Variants in LRWD1 observed in about 807,000 individuals in gnomAD.
The protein encoded by LRWD1 is leucine-rich repeat and WD repeat-containing protein 1.
A neutral mutation model predicts 75.6 loss-of-function variants in LRWD1; 76 were observed. The observed-to-expected ratio is 1.01, with a 90% CI of 0.84 to 1.22. The LOEUF (loss-of-function observed/expected upper bound fraction) is 1.22, where lower values mean the gene tolerates loss of function less well. LRWD1 is among the 50% of genes most tolerant of loss of function. The pLI, the probability that LRWD1 is intolerant of heterozygous loss-of-function variation, is 0.00. For synonymous variants in LRWD1, 487 were observed against 377.0 expected (o/e 1.29, Z -3.38); for missense variants, 917 against 862.0 (o/e 1.06, Z -0.80).
In LRWD1 at chr7:102,472,821, C is replaced by G; in HGVS notation, c.1803+17C>G. On this transcript the variant is annotated intron_variant, in intron 14 of 14. Transcript: ENST00000292616. ...CCCACACAGGTACTGCCCGGCTCAC[C>G]CTGCCCAGGCTTGGGCTGGCAAGGC... 1 of 1,612,996 alleles carries G rather than the reference C, an allele frequency of 6.2e-7. No individual in the cohort carries two copies. Among genetic ancestry groups the G allele is most frequent in the Admixed American group, 1.7e-5 (1 of 59,952 alleles).
rs1206239968 is a variant in LRWD1 at position 102,468,370 on chromosome 7, G to C, written c.912G>C (p.Trp304Cys). The C allele has an allele frequency of 1.2e-6, 2 of 1,606,448 alleles. No individual in the cohort carries two copies. Among genetic ancestry groups the C allele is most frequent in the Middle Eastern group, 3.3e-4 (2 of 6,040 alleles). Reference protein sequence around the residue: ...QLWACAFEPAWEEGATSQTVA... With the variant: ...QLWACAFEPACEEGATSQTVA... ...GGGCCTGTGCCTTCGAGCCGGCCTG[G>C]GAGGAGGGTACATGGTGGCGGGCAG... Residue 304 changes from tryptophan (W) to cysteine (C), a missense_variant, in exon 7 of 15, where the codon TGG becomes TGC. Physicochemically the swap from Trp to Cys is radical, Grantham distance 215 (BLOSUM62 -2). Transcript: ENST00000292616.
chr7:102,472,141 C>A (rs1012032820), intron 11 of LRWD1, 77 bp from the exon 12 acceptor site: 21 of 1,315,550 alleles, frequency 1.6e-5, no homozygotes, highest in Non-Finnish European at 2.0e-5. Context: ...CCAGCAGGTG[C>A]GCTGCAGATG....
chr7:102,472,837 C>G (rs1330310746), intron 14 of LRWD1, 33 bp downstream of exon 14: 1 of 1,612,226 alleles, frequency 6.2e-7, no homozygotes, highest in East Asian at 2.2e-5. Flanking sequence ...CAGGCTTGGG[C>G]TGGCAAGGCA....
rs757003383 is a variant in LRWD1, at chr7:102,469,854, G to C, written c.1414G>C (p.Val472Leu). Residue 472 changes from valine (V) to leucine (L), a missense_variant, in exon 11 of 15, where the codon GTG becomes CTG. Physicochemically the swap from Val to Leu is conservative, Grantham distance 32. Transcript: ENST00000292616. ...CGAGGGCGGCTGCTGCTGCTGGGACGTGCGGCTGGACCAGCCCCAAAAGAG... is the reference window on the plus strand; with the variant it reads ...CGAGGGCGGCTGCTGCTGCTGGGACCTGCGGCTGGACCAGCCCCAAAAGAG... ...GCEGGCCCWD[V>L]RLDQPQKRRV... is the part of the protein sequence containing the mutation. 1 of 1,594,056 alleles carries C rather than the reference G, an allele frequency of 6.3e-7. No homozygotes were observed. Among genetic ancestry groups the C allele is most frequent in the African/African-American group, 1.3e-5 (1 of 74,662 alleles).
chr7:102,470,394 T>C, intron 11 of LRWD1: 1 of 153,476 alleles, frequency 6.5e-6, no homozygotes, highest in Non-Finnish European at 1.5e-5. Flanking sequence ...GGAAGACAGA[T>C]GCTCAGCAAA....
chr7:102,469,158 C>A, intron 9 of LRWD1, 96 bp downstream of exon 9: 2 of 1,158,606 alleles, frequency 1.7e-6, no homozygotes, highest in Non-Finnish European at 1.2e-6. Flanking sequence ...GCTGTGAGCT[C>A]GGGCGCCTGC....
intron 3 of LRWD1, among the ~76,000 whole-genome samples, 168 bp from the exon 4 acceptor site, chr7:102,467,171 G>GTGTGTGTGTGTGTGTGTGTGTGTGT (rs1554579596): frequency 2.0e-5 from 2 of 99,116 alleles, no homozygotes; most frequent in African/African-American, 4.4e-5. Flanking sequence ...GTGTGTGTGG[G>GTGTGTGTGTGTGTGTGTGTGTGTGT]GTGTGTGTGT....
In LRWD1 at chr7:102,472,715, G is replaced by A. The variant is rs773720792; in HGVS notation, c.1714G>A (p.Asp572Asn). 1.2e-5 allele frequency: 20 copies of A among 1,613,446 alleles called. No individual in the cohort carries two copies. The highest frequency in any genetic ancestry group is 1.1e-5 in the South Asian group (1 of 91,096). Residue 572 changes from aspartate to asparagine, a missense_variant, in exon 14 of 15, where the codon GAT becomes AAT. Coordinates refer to ENST00000292616, the MANE Select transcript of LRWD1 (RefSeq NM_152892.3). ...AGATAAGGGGATTGTGCTCTGTGGG[G>A]ATGAGGAGGGCAACGTGTGGCTCTA... ...CPDKGIVLCG[D>N]EEGNVWLYDV...
chr7:102,472,874 G>A lies in LRWD1; in HGVS notation c.1804-35G>A, dbSNP rs780207549. 1.6e-5 allele frequency: 25 copies of A among 1,611,754 alleles called. No homozygotes were observed. In the Admixed American group the frequency reaches 3.0e-4, roughly 19 times the overall value. On this transcript the variant is annotated intron_variant, in intron 14 of 14. Coordinates refer to ENST00000292616, the MANE Select transcript of LRWD1 (RefSeq NM_152892.3). ...CAGGGGCCCTGCCTTTGGTCAGCAG[G>A]AGCCCAGCCCAGCCCTCCCCTCTCT...
Position 102,472,266 on chromosome 7 carries a change from A to G in LRWD1, c.1491A>G (p.Gly497=). 6.3e-7 allele frequency: 1 copy of G among 1,595,224 alleles called. No individual in the cohort carries two copies. Among genetic ancestry groups the G allele is most frequent in the Non-Finnish European group, 8.6e-7 (1 of 1,169,308 alleles). Residue 497 remains glycine, a synonymous_variant, in exon 12 of 15, where the codon GGA becomes GGG. Coordinates refer to ENST00000292616, the MANE Select transcript of LRWD1 (RefSeq NM_152892.3). ...FVFSEGSEAS[G]RRVDGLAFVN... ...TCTCTGAGGGCTCCGAGGCATCTGGACGGAGAGTGGATGGGCTGGCATTTG... is the reference window on the plus strand; with the variant it reads ...TCTCTGAGGGCTCCGAGGCATCTGGGCGGAGAGTGGATGGGCTGGCATTTG...
Position 102,466,143 on chromosome 7 carries a change from C to T in LRWD1, c.316-11C>T, listed in dbSNP as rs767004912. ...CTCCTGAGCCACTGCTCTTCACCCT[C>T]TCTTCCCCAGGTCAATGACAACCTG... On this transcript the variant is annotated splice_polypyrimidine_tract_variant and intron_variant, in intron 2 of 14. Coordinates refer to ENST00000292616, the MANE Select transcript of LRWD1 (RefSeq NM_152892.3). 3.1e-6 allele frequency: 5 copies of T among 1,613,848 alleles called. No homozygotes were observed. In the Admixed American group the frequency reaches 5.0e-5, roughly 16 times the overall value.
In LRWD1 at chr7:102,469,802, C is replaced by T. The variant is rs770760087; in HGVS notation, c.1362C>T (p.Cys454=). The part of the protein sequence containing the change: ...IPLRLCPVAS[C]PDARLLAGCE... ...TGCGCCTCTGCCCTGTCGCCTCCTG[C>T]CCGGACGCCCGCCTGCTGGCCGGCT... Residue 454 remains cysteine (C), a synonymous_variant, in exon 11 of 15, where the codon TGC becomes TGT. Transcript: ENST00000292616. 6 of 1,608,298 alleles carry T rather than the reference C, an allele frequency of 3.7e-6. No homozygotes were observed. In the East Asian group the frequency reaches 1.3e-4, roughly 36 times the overall value.
chr7:102,468,783 C>T (rs1445868047), intron 8 of LRWD1, 72 bp from the exon 9 acceptor site: 2 of 1,561,010 alleles, frequency 1.3e-6, no homozygotes, highest in African/African-American at 1.4e-5. Context: ...CTCCCTCCCC[C>T]AGGCCCGGGC....
Position 102,473,109 on chromosome 7 carries a change from A to C in LRWD1, c.*60A>C. On this transcript the variant is annotated 3_prime_UTR_variant, in exon 15 of 15. Transcript: ENST00000292616. ...AACTAACTTATTCAGCTTTGGGCCG[A>C]TGGGGGTGGGGGGGGGTCTTTCAGT... is the stretch of plus-strand genomic sequence containing the variant. The C allele has an allele frequency of 3.5e-5, 40 of 1,134,304 alleles. No individual in the cohort carries two copies. The highest frequency in any genetic ancestry group is 7.3e-5 in the African/African-American group (4 of 54,662). 70.3% of individuals were successfully genotyped at this position (1,134,304 alleles called of 1,614,324 possible).
rs1199455001 is a variant in LRWD1 at position 102,465,974 on chromosome 7, C to T, written c.238C>T (p.Gln80Ter). ...HLRVLRCANN[Q>*]LGDVTALCQF... ...GCGTGTCCTCCGCTGCGCCAACAAC[C>T]AGCTGGGGGATGTTACTGCCTTGTG... Residue 80 changes from glutamine (Q) to a stop codon, truncating the protein, a stop_gained, in exon 2 of 15, where the codon CAG becomes TAG. Coordinates refer to ENST00000292616, the MANE Select transcript of LRWD1 (RefSeq NM_152892.3). LOFTEE classifies it high-confidence loss of function. The T allele has an allele frequency of 3.1e-6, 5 of 1,613,860 alleles. No homozygotes were observed. The highest frequency in any genetic ancestry group is 2.7e-5 in the African/African-American group (2 of 74,920).
intron 3 of LRWD1, 46 bp downstream of exon 3, chr7:102,466,316 A>T (rs1219863377): frequency 1.4e-6 from 2 of 1,471,576 alleles, no homozygotes; most frequent in South Asian, 2.3e-5. Flanking sequence ...CTGTGGGGGC[A>T]TTGGGAGAAT....
At position 102,472,531 on chromosome 7, in the gene LRWD1, A is replaced by G; in HGVS notation, c.1612A>G (p.Thr538Ala). 4 of 1,581,096 alleles carry G rather than the reference A, an allele frequency of 2.5e-6. No individual in the cohort carries two copies. Among genetic ancestry groups the G allele is most frequent in the Non-Finnish European group, 2.6e-6 (3 of 1,165,006 alleles). The change falls in exon 13 of 15, where the codon ACG becomes GCG. Residue 538 changes from threonine to alanine, a missense_variant. By Grantham distance (58) the Thr-to-Ala change is moderately conservative. Coordinates refer to ENST00000292616, the MANE Select transcript of LRWD1 (RefSeq NM_152892.3). Reference sequence around the variant, plus strand: ...GTGGGGGGGCCGGGGCAGCCAGTCCACGGTGGCAGTGGTGGTCCTGGCGCG... The same window carrying G: ...GTGGGGGGGCCGGGGCAGCCAGTCCGCGGTGGCAGTGGTGGTCCTGGCGCG... The part of the protein sequence containing the change: ...QTWGGRGSQS[T>A]VAVVVLARLQ...
chr7:102,465,469 G>C (rs10953367), intron 1 of LRWD1: 224,411 of 241,334 alleles, frequency 0.93, 104,692 homozygotes, highest in Admixed American at 0.96. Context: ...GGATGCCCCC[G>C]AGTCCTAAAG....
intron 11 of LRWD1, chr7:102,470,702 T>A (rs1038511618): frequency 1.3e-5 from 2 of 152,292 alleles, no homozygotes; most frequent in African/African-American, 4.8e-5. Flanking sequence ...CAGAACAAGG[T>A]GGCAAGGGTG....
Sources: gnomAD v4.1 joint callset for allele counts (sites outside exome capture counted in the v4.1 genomes callset) on GRCh38, gnomAD v4.1.1 for gene constraint, MANE v1.5 for transcripts, NCBI Gene and HGNC (gene_info 2026-07-23, HGNC 2026-07-21) for gene names.